WNK2: variants seen among roughly 807,000 people sequenced by gnomAD.
WNK2 encodes WNK lysine deficient protein kinase 2, also known as serine/threonine-protein kinase WNK2.
A neutral mutation model predicts 192.1 loss-of-function variants in WNK2; 67 were observed. The ratio of observed to expected loss-of-function variants is 0.35; its 90% CI spans 0.29 to 0.43. WNK2 has a LOEUF of 0.43. Among genes scored for constraint, WNK2 ranks in the 20% least tolerant of loss-of-function variants. The pLI is 1.00. For synonymous variants in WNK2, 1,439 were observed against 1,393.9 expected, an observed-to-expected ratio of 1.03 and a Z score of -0.72; for missense variants, 2,698 against 3,089.7, an observed-to-expected ratio of 0.87 and a Z score of 3.01.
At chr9:93,227,407 C>T (rs991554006) in intron 2 of WNK2, among the ~76,000 whole-genome samples, 2 of 152,096 alleles carry the variant, frequency 1.3e-5, no homozygotes, top group Non-Finnish European at 2.9e-5. Flanking sequence ...GCCACCGCAC[C>T]CGGCCGTATC....
At chr9:93,219,625 G>A (rs755589952) in intron 2 of WNK2, among the ~76,000 whole-genome samples, 2 of 152,270 alleles carry the variant, frequency 1.3e-5, no homozygotes. Context: ...AGTGTGGGCC[G>A]AGGCTTAGCC....
At chr9:93,282,764 ACACT>A (rs1229785595) in intron 19 of WNK2, among the ~76,000 whole-genome samples, 3 of 152,218 alleles carry the variant, frequency 2.0e-5, no homozygotes, top group South Asian at 2.1e-4. Flanking sequence ...GGAATAGGAG[ACACT>A]CAGTAGGGAT....
At chr9:93,223,330 C>T (rs1315493851) in intron 2 of WNK2, among the ~76,000 whole-genome samples, 1 of 152,236 alleles carries the variant, frequency 6.6e-6, no homozygotes, top group African/African-American at 2.4e-5. Flanking sequence ...AAACATCATG[C>T]CTGCACAGAG....
chr9:93,283,556 C>T (rs1200602004), intron 19 of WNK2, among the ~76,000 whole-genome samples: 2 of 152,096 alleles, frequency 1.3e-5, no homozygotes, highest in African/African-American at 4.8e-5. Flanking sequence ...ACTTACCAAA[C>T]TTAAGAAGAA....
rs1844488516 is a variant in WNK2, at chr9:93,262,722, A to G, written c.3410+3A>G. 6.2e-7 allele frequency: 1 copy of G among 1,611,902 alleles called. No homozygotes were observed. The highest frequency in any genetic ancestry group is 1.3e-5 in the African/African-American group (1 of 74,942). ...GGCCTCCCGCAGAGCTGTGAGAGGT[A>G]GTGTGGCCCAGCCTCGACCTCGCAG... On this transcript the variant is annotated splice_donor_region_variant and intron_variant, in intron 14 of 29. Coordinates refer to ENST00000427277, the MANE Select transcript of WNK2 (RefSeq NM_006648.4).
chr9:93,233,197 C>CAAAA, intron 4 of WNK2, among the ~76,000 whole-genome samples: 1 of 99,030 alleles, frequency 1.0e-5, no homozygotes, highest in Admixed American at 1.2e-4. Flanking sequence ...GATCCAGTCT[C>CAAAA]AAAAAAAAAA....
intron 27 of WNK2, chr9:93,307,239 C>A (rs774879781): frequency 1.4e-4 from 25 of 176,454 alleles, no homozygotes; most frequent in Non-Finnish European, 2.8e-4. Context: ...CTCTCTCTCT[C>A]ATCTCTCTCT....
Position 93,244,357 on chromosome 9 carries a change from C to T in WNK2, c.1543-3186C>T, listed in dbSNP as rs147713343. 1.9e-3 allele frequency among the ~76,000 whole-genome samples: 290 copies of T among 152,292 alleles called. 1 individual carries two copies. Among genetic ancestry groups the T allele is most frequent in the African/African-American group, 6.5e-3 (272 of 41,560 alleles). On this transcript the variant is annotated intron_variant, in intron 7 of 29. Transcript: ENST00000427277. ...TCAATCTGGAAGGGACTCTGGGAGT[C>T]GACCCCCAAGGGGATTCCCAGCCAG...
chr9:93,265,484 G>A (rs530364261), intron 16 of WNK2, among the ~76,000 whole-genome samples: 33 of 152,336 alleles, frequency 2.2e-4, no homozygotes, highest in African/African-American at 6.5e-4. Flanking sequence ...GGTCAGAGGC[G>A]TGAGCTGCGC....
At chr9:93,266,177 G>T (rs956352026) in intron 16 of WNK2, among the ~76,000 whole-genome samples, 4 of 152,190 alleles carry the variant, frequency 2.6e-5, no homozygotes, top group African/African-American at 9.7e-5. Context: ...TGTGGGACAG[G>T]CGCTGTTTAG....
At chr9:93,301,591 A>C (rs1588566660) in intron 26 of WNK2, among the ~76,000 whole-genome samples, 1 of 151,164 alleles carries the variant, frequency 6.6e-6, no homozygotes, top group South Asian at 2.1e-4. Context: ...CTTCCCCCCC[A>C]CCCCTGCGTC....
rs746204090 is a variant in WNK2 at position 93,262,636 on chromosome 9, G to T, written c.3361-34G>T. ...CCCACAGGGAGGCGGGAGTCCGCAT[G>T]ACCTGTTCTCTTTTCTCCGGGTGTT... On this transcript the variant is annotated intron_variant, in intron 13 of 29. Transcript: ENST00000427277. The T allele has an allele frequency of 3.7e-6, 6 of 1,611,826 alleles. No individual in the cohort carries two copies. In the South Asian group the frequency reaches 6.6e-5, roughly 18 times the overall value.
chr9:93,185,035 C>A lies in WNK2; in HGVS notation c.106C>A (p.Pro36Thr). ...GGAGCCTCGGGCGAAGGCGGCGCGG[C>A]CGGGGCCCCAGCGCTTTCTGCGGCG... ...MAEPRAKAARPGPQRFLRRSV... is the reference protein window; with the variant it reads ...MAEPRAKAARTGPQRFLRRSV... Residue 36 changes from proline to threonine, a missense_variant, in exon 2 of 30, where the codon CCG (proline) becomes ACG (threonine). Transcript: ENST00000427277. 1 of 1,271,616 alleles carries A rather than the reference C, an allele frequency of 7.9e-7. No homozygotes were observed. The highest frequency in any genetic ancestry group is 2.6e-5 in the South Asian group (1 of 38,260). 78.8% of individuals were successfully genotyped at this position (1,271,616 alleles called of 1,614,324 possible). A position where few individuals can be genotyped will look rare whatever the true frequency, so the allele number is the denominator to read the frequency against.
intron 26 of WNK2, among the ~76,000 whole-genome samples, chr9:93,304,078 T>C (rs1233957330): frequency 6.6e-6 from 1 of 152,154 alleles, no homozygotes; most frequent in Non-Finnish European, 1.5e-5. Context: ...GAAAAGCGAA[T>C]GTGGGGATTG....
intron 2 of WNK2, among the ~76,000 whole-genome samples, chr9:93,222,354 T>G (rs1588000935): frequency 1.3e-5 from 2 of 152,062 alleles, no homozygotes; most frequent in South Asian, 2.1e-4. Flanking sequence ...CCCTCCCTTT[T>G]TAAATAAAAT....
intron 19 of WNK2, among the ~76,000 whole-genome samples, 161 bp from the exon 20 acceptor site, chr9:93,288,627 C>T (rs562586469): frequency 1.3e-5 from 2 of 152,334 alleles, no homozygotes; most frequent in Non-Finnish European, 1.5e-5. Flanking sequence ...CAAGGCTGGG[C>T]TGAGCTGCAG....
In WNK2 at chr9:93,297,786, G is replaced by C; in HGVS notation, c.5709-67G>C. On this transcript the variant is annotated intron_variant, in intron 23 of 29. Coordinates refer to ENST00000427277, the MANE Select transcript of WNK2 (RefSeq NM_006648.4). ...TGTTCTCCCACGCCACCTCCCTCCT[G>C]GAGGAGCTGGCGGTGTTGGAAACAC... 4 of 1,489,292 alleles carry C rather than the reference G, an allele frequency of 2.7e-6. No individual in the cohort carries two copies. The South Asian group carries it at 4.9e-5, about 18-fold the overall frequency. The allele number at this position is 1,489,292 out of a possible 1,614,324, so 92.3% of individuals were successfully genotyped here.
rs752899767 is a variant in WNK2 at position 93,263,657 on chromosome 9, C to A, written c.3502C>A (p.Arg1168=). ...GGGCAGGCTGGAGGGCAGGGCAGCC[C>A]GAAAACACCACCGCAGGTCCACGCG... ...GGGRLEGRAA[R]KHHRRSTRAR... is the part of the protein sequence containing the mutation. Residue 1168 remains arginine (R), a synonymous_variant, in exon 15 of 30, where the codon CGA becomes AGA. Transcript: ENST00000427277. The A allele has an allele frequency of 1.3e-6, 2 of 1,598,636 alleles. No individual in the cohort carries two copies. Among genetic ancestry groups the A allele is most frequent in the Non-Finnish European group, 8.5e-7 (1 of 1,175,818 alleles).
chr9:93,267,383 T>G, intron 16 of WNK2: 1 of 188,468 alleles, frequency 5.3e-6, no homozygotes, highest in East Asian at 1.4e-4. Context: ...TGTGCCCAGA[T>G]GGACCCCCTC....
Sources: allele counts gnomAD v4.1 joint callset (sites outside exome capture counted in the v4.1 genomes callset), GRCh38; gene constraint gnomAD v4.1.1; transcripts MANE v1.5; gene names NCBI Gene and HGNC (gene_info 2026-07-23, HGNC 2026-07-21).